POLR3B: variants seen among roughly 807,000 people sequenced by gnomAD.
The protein encoded by POLR3B is RNA polymerase III subunit B, also known as DNA-directed RNA polymerase III subunit RPC2.
POLR3B carries 96 observed loss-of-function variants against 147.4 expected under a neutral mutation model. The observed-to-expected ratio is 0.65, with a 90% CI of 0.55 to 0.77. POLR3B has a LOEUF of 0.77. POLR3B is among the 30% of genes least tolerant of loss of function. POLR3B has a pLI of 0.00. For synonymous variants in POLR3B, 461 were observed against 485.9 expected, an observed-to-expected ratio of 0.95 and a Z score of 0.67; for missense variants, 1,036 against 1,413.5, an observed-to-expected ratio of 0.73 and a Z score of 4.28.
At chr12:106,476,975 T>A (rs868123692) in intron 23 of POLR3B, among the ~76,000 whole-genome samples, 21 of 151,414 alleles carry the variant, frequency 1.4e-4, no homozygotes, top group Middle Eastern at 6.8e-3. Flanking sequence ...TTTTCTGTTC[T>A]GTTTTTTCCC....
intron 14 of POLR3B, among the ~76,000 whole-genome samples, chr12:106,431,812 C>G (rs1441099249): frequency 6.6e-6 from 1 of 152,188 alleles, no homozygotes; most frequent in Non-Finnish European, 1.5e-5. Context: ...CTCTTTTCAT[C>G]TGAAAGAGTT....
At chr12:106,404,618 A>G (rs954186905) in intron 10 of POLR3B, among the ~76,000 whole-genome samples, 1 of 152,046 alleles carries the variant, frequency 6.6e-6, no homozygotes, top group Non-Finnish European at 1.5e-5. Flanking sequence ...TCTTTTTATT[A>G]TTGACTTTAA....
chr12:106,424,845 C>G (rs937383079), intron 12 of POLR3B, among the ~76,000 whole-genome samples: 9 of 152,164 alleles, frequency 5.9e-5, no homozygotes, highest in African/African-American at 2.2e-4. Flanking sequence ...TTGGGGAGAA[C>G]TGATATCTAA....
At chr12:106,422,670 T>C (rs1289292138) in intron 12 of POLR3B, among the ~76,000 whole-genome samples, 1 of 152,196 alleles carries the variant, frequency 6.6e-6, no homozygotes, top group Non-Finnish European at 1.5e-5. Context: ...CTCTATCATA[T>C]AACAAGTTTT....
rs116893564 is a variant in POLR3B at position 106,493,963 on chromosome 12, A to G, written c.2714-2092A>G. Reference sequence around the variant, plus strand: ...ACTTACAGGTGCCCTTGGTTCAGATATTGCCAAAGCAGTTCCTATAATGGA... The same window carrying G: ...ACTTACAGGTGCCCTTGGTTCAGATGTTGCCAAAGCAGTTCCTATAATGGA... On this transcript the variant is annotated intron_variant, in intron 23 of 27. Coordinates refer to ENST00000228347, the MANE Select transcript of POLR3B (RefSeq NM_018082.6). Among the ~76,000 whole-genome samples the G allele has an allele frequency of 6.7e-3, 1,026 of 152,294 alleles. 5 individuals are homozygous for G. The highest frequency in any genetic ancestry group is 0.011 in the Non-Finnish European group (775 of 68,008).
chr12:106,438,850 G>A (rs910901207), intron 18 of POLR3B, among the ~76,000 whole-genome samples: 6 of 152,170 alleles, frequency 3.9e-5, no homozygotes, highest in African/African-American at 9.7e-5. Context: ...CTAAGTTTAT[G>A]TGCAGTATGC....
At chr12:106,440,437 C>A (rs1253709902) in intron 18 of POLR3B, among the ~76,000 whole-genome samples, 1 of 152,214 alleles carries the variant, frequency 6.6e-6, no homozygotes, top group South Asian at 2.1e-4. Context: ...CCTCAGAAGT[C>A]CTTACAGAAG....
chr12:106,504,340 A>G lies in POLR3B; in HGVS notation c.3272+86A>G. On this transcript the variant is annotated intron_variant, in intron 27 of 27. Coordinates refer to ENST00000228347, the MANE Select transcript of POLR3B (RefSeq NM_018082.6). The surrounding 1 kb of genome is among the most constrained non-coding windows in gnomAD (Gnocchi z 4.6). ...AATTGACCCTGGATCCTATCCGCAT[A>G]TTCTCCAGCCTCTGTCTGTGATCAC... 1.9e-6 allele frequency: 2 copies of G among 1,076,672 alleles called. No homozygotes were observed. Among genetic ancestry groups the G allele is most frequent in the Non-Finnish European group, 1.4e-6 (1 of 691,424 alleles). The allele number at this position is 1,076,672 out of a possible 1,614,324, so 66.7% of individuals were successfully genotyped here.
Position 106,509,752 on chromosome 12 carries a change from G to A in POLR3B, c.*203G>A, listed in dbSNP as rs938064666. On this transcript the variant is annotated 3_prime_UTR_variant, in exon 28 of 28. Transcript: ENST00000228347. The stretch of plus-strand genomic sequence containing the variant: ...GATCATTGAGCCTCGAGCCATGGGA[G>A]AGATGCTGACCATGTGGACTGCAAG... 9 of 505,750 alleles carry A rather than the reference G, an allele frequency of 1.8e-5. No individual in the cohort carries two copies. The highest frequency in any genetic ancestry group is 1.2e-4 in the African/African-American group (6 of 51,552). The allele number at this position is 505,750 out of a possible 1,614,324, so 31.3% of individuals were successfully genotyped here. A position where few individuals can be genotyped will look rare whatever the true frequency, so the allele number is the denominator to read the frequency against.
At chr12:106,486,779 TC>T (rs959998900) in intron 23 of POLR3B, among the ~76,000 whole-genome samples, 8 of 152,194 alleles carry the variant, frequency 5.3e-5, no homozygotes, top group Non-Finnish European at 2.9e-5. Flanking sequence ...TAAAACACTA[TC>T]CCCACTCCCT....
intron 19 of POLR3B, among the ~76,000 whole-genome samples, chr12:106,447,120 AAAT>A (rs1450496909): frequency 2.0e-5 from 3 of 152,198 alleles, no homozygotes; most frequent in African/African-American, 7.2e-5. Context: ...GGATTTTCTA[AAAT>A]AATATTTTAG....
Position 106,501,282 on chromosome 12 carries a change from A to G in POLR3B, c.2985-41A>G, listed in dbSNP as rs115506843. On this transcript the variant is annotated intron_variant, in intron 25 of 27. Coordinates refer to ENST00000228347, the MANE Select transcript of POLR3B (RefSeq NM_018082.6). Reference sequence around the variant, plus strand: ...CCAAAGGCTGTCTCTTGTTAGCCCAAACTTAGTTTCTTAACCCACAACAAT... The same window carrying G: ...CCAAAGGCTGTCTCTTGTTAGCCCAGACTTAGTTTCTTAACCCACAACAAT... 4,504 of 1,305,354 alleles carry G rather than the reference A, an allele frequency of 3.5e-3. 130 individuals are homozygous for G. The African/African-American group carries it at 0.058, about 17-fold the overall frequency. 80.9% of individuals were successfully genotyped at this position (1,305,354 alleles called of 1,614,324 possible). A position where few individuals can be genotyped will look rare whatever the true frequency, so the allele number is the denominator to read the frequency against.
chr12:106,410,081 C>T (rs2136936489), intron 11 of POLR3B, among the ~76,000 whole-genome samples: 1 of 152,346 alleles, frequency 6.6e-6, no homozygotes, highest in East Asian at 1.9e-4. Context: ...TGCCAGACAG[C>T]ATGTTAGTAC....
chr12:106,359,073 C>T (rs532616446), intron 1 of POLR3B, among the ~76,000 whole-genome samples: 174 of 152,098 alleles, frequency 1.1e-3, no homozygotes, highest in Non-Finnish European at 2.2e-3. Context: ...CAAAAATTAG[C>T]TGGGTGTGGT....
chr12:106,387,194 A>G (rs1388777915), intron 9 of POLR3B, among the ~76,000 whole-genome samples: 1 of 152,262 alleles, frequency 6.6e-6, no homozygotes, highest in Non-Finnish European at 1.5e-5. Context: ...TTTGTGATAT[A>G]CACATACATT....
chr12:106,467,976 T>C (rs1171140223), intron 23 of POLR3B, among the ~76,000 whole-genome samples: 3 of 152,228 alleles, frequency 2.0e-5, no homozygotes, highest in African/African-American at 7.2e-5. Flanking sequence ...TAAAATGAGT[T>C]AGGGAGGATT....
rs898014405 is a variant in POLR3B, at chr12:106,445,597, C to CA, written c.2083+1016dup. 5.4e-5 allele frequency among the ~76,000 whole-genome samples: 8 copies of CA among 149,120 alleles called. No individual in the cohort carries two copies. In the East Asian group the frequency reaches 9.8e-4, roughly 18 times the overall value. On this transcript the variant is annotated intron_variant, in intron 19 of 27. Coordinates refer to ENST00000228347, the MANE Select transcript of POLR3B (RefSeq NM_018082.6). ...GAATACCAGTGCCCCCTGACCCCGC[C>CA]AAAAAAAAAGTTTTACTTATAAAGC...
chr12:106,436,704 G>A (rs2037581427), intron 16 of POLR3B, among the ~76,000 whole-genome samples: 2 of 152,092 alleles, frequency 1.3e-5, no homozygotes, highest in Non-Finnish European at 2.9e-5. Flanking sequence ...TTAAAATATG[G>A]CATTAAAGGT....
intron 23 of POLR3B, among the ~76,000 whole-genome samples, chr12:106,469,920 T>C (rs2038065827): frequency 6.6e-6 from 1 of 152,210 alleles, no homozygotes; most frequent in Non-Finnish European, 1.5e-5. Context: ...ATCTGACAAT[T>C]ACATGTCTCG....
Sources: allele counts gnomAD v4.1 joint callset (sites outside exome capture counted in the v4.1 genomes callset), GRCh38; gene constraint gnomAD v4.1.1; non-coding constraint Gnocchi (gnomAD v3.1); transcripts MANE v1.5; gene names NCBI Gene and HGNC (gene_info 2026-07-23, HGNC 2026-07-21).